The following NECAB2 variants were observed in gnomAD, a reference collection of about 807,000 sequenced individuals.
NECAB2 encodes N-terminal EF-hand calcium-binding protein 2.
NECAB2 carries 68 observed loss-of-function variants against 51.9 expected under a neutral mutation model. That is an observed-to-expected ratio of 1.31 (90% confidence interval 1.08 to 1.60). NECAB2 has a LOEUF of 1.60. Ranked by LOEUF, NECAB2 falls within the 40% of genes most tolerant of loss-of-function variation. NECAB2 has a pLI of 0.00. For missense variants in NECAB2, 854 were observed against 490.3 expected (o/e 1.74, Z -7.00); for synonymous variants, 329 against 203.5 (o/e 1.62, Z -5.25).
intron 5 of NECAB2, among the ~76,000 whole-genome samples, chr16:83,987,228 G>A (rs918402181): frequency 2.0e-5 from 3 of 152,168 alleles, no homozygotes; most frequent in Admixed American, 6.6e-5. Context: ...GCCCATTTCA[G>A]AGACTTTGAC....
intron 3 of NECAB2, among the ~76,000 whole-genome samples, chr16:83,979,744 G>A (rs117363017): frequency 0.039 from 5,928 of 151,086 alleles, 148 homozygotes; most frequent in Non-Finnish European, 0.064. Flanking sequence ...GTGAGAGTAC[G>A]TGTGGGTGGG....
At chr16:83,981,673 G>C (rs2084491443) in intron 5 of NECAB2, among the ~76,000 whole-genome samples, 1 of 152,130 alleles carries the variant, frequency 6.6e-6, no homozygotes, top group South Asian at 2.1e-4. Flanking sequence ...CTGCTGGCTG[G>C]GATGAGTGGG....
chr16:84,002,499 G>T lies in NECAB2; in HGVS notation c.*153G>T, dbSNP rs139872254. 4.6e-5 allele frequency: 45 copies of T among 969,488 alleles called. No homozygotes were observed. The highest frequency in any genetic ancestry group is 3.9e-4 in the Admixed American group (19 of 48,724). The allele number at this position is 969,488 out of a possible 1,614,324, so 60.1% of individuals were successfully genotyped here. ...TCCCTGTTGTTAAGTGAAGGAGGCC[G>T]CCCCTGCCCCCACCTGAGAAGGCAG... On this transcript the variant is annotated 3_prime_UTR_variant, in exon 13 of 13. Coordinates refer to ENST00000305202, the MANE Select transcript of NECAB2 (RefSeq NM_019065.3).
At chr16:83,996,205 A>G (rs539682118) in intron 8 of NECAB2, among the ~76,000 whole-genome samples, 7 of 152,164 alleles carry the variant, frequency 4.6e-5, no homozygotes, top group Non-Finnish European at 8.8e-5. Context: ...TCATCCTCCT[A>G]TGGCTTTTCC....
chr16:83,992,429 C>T (rs2084638717), intron 6 of NECAB2, among the ~76,000 whole-genome samples: 1 of 145,308 alleles, frequency 6.9e-6, no homozygotes, highest in Non-Finnish European at 1.5e-5. Context: ...CCCTTCTTTG[C>T]TCAGTTCTTC....
intron 5 of NECAB2, among the ~76,000 whole-genome samples, chr16:83,988,751 C>T (rs781310831): frequency 6.6e-6 from 1 of 152,140 alleles, no homozygotes; most frequent in African/African-American, 2.4e-5. Flanking sequence ...AGTAACTTGT[C>T]CACTGGATGC....
chr16:83,972,063 A>G, intron 1 of NECAB2, 88 bp from the exon 2 acceptor site: 1 of 1,564,730 alleles, frequency 6.4e-7, no homozygotes, highest in South Asian at 1.1e-5. Context: ...TCCTGGGAGA[A>G]GAGAAGGATC....
At chr16:83,976,635 T>G (rs557310910) in intron 2 of NECAB2, among the ~76,000 whole-genome samples, 5 of 152,180 alleles carry the variant, frequency 3.3e-5, no homozygotes, top group African/African-American at 1.2e-4. Flanking sequence ...TGGATTGGGG[T>G]TTTTTTGGCC....
At chr16:83,985,275 T>A (rs2084538264) in intron 5 of NECAB2, among the ~76,000 whole-genome samples, 1 of 124,242 alleles carries the variant, frequency 8.0e-6, no homozygotes, top group Non-Finnish European at 1.6e-5. Context: ...ACTGCGCCAT[T>A]GCACTCCAGC....
chr16:83,999,739 C>G (rs1291900923), intron 10 of NECAB2, among the ~76,000 whole-genome samples: 1 of 152,112 alleles, frequency 6.6e-6, no homozygotes, highest in Non-Finnish European at 1.5e-5. Flanking sequence ...CCTGCAGCCC[C>G]TTCCTCTGTG....
At chr16:83,997,349 C>T (rs1031516691) in intron 9 of NECAB2, 80 bp downstream of exon 9, 14 of 1,567,578 alleles carry the variant, frequency 8.9e-6, no homozygotes, top group East Asian at 2.3e-5. Context: ...GGCTCAATGC[C>T]CCTGACCCCG....
In NECAB2 at chr16:83,980,980, G is replaced by A. The variant is rs745768780; in HGVS notation, c.362-50G>A. ...CAGGTGGGAGGTGCAGGAGTGCTGA[G>A]TGGGAGGGGCAGGACCTGTGACCCC... On this transcript the variant is annotated intron_variant, in intron 4 of 12. Transcript: ENST00000305202. 70 of 1,606,350 alleles carry A rather than the reference G, an allele frequency of 4.4e-5. No homozygotes were observed. In the Middle Eastern group the frequency reaches 5.0e-4, roughly 11 times the overall value.
intron 3 of NECAB2, among the ~76,000 whole-genome samples, 168 bp from the exon 4 acceptor site, chr16:83,980,671 C>T (rs1008676063): frequency 3.3e-5 from 5 of 152,002 alleles, no homozygotes; most frequent in East Asian, 1.9e-4. Flanking sequence ...CCTTCAGGGG[C>T]GGGGGTGTCA....
At chr16:83,990,663 G>C (rs537835931) in intron 6 of NECAB2, 33 bp downstream of exon 6, 1 of 1,611,234 alleles carries the variant, frequency 6.2e-7, no homozygotes, top group Non-Finnish European at 8.5e-7. Flanking sequence ...GGTCCCATGG[G>C]GGTATGCCGT....
At chr16:84,000,892 T>C in intron 11 of NECAB2, 91 bp downstream of exon 11, 7 of 1,282,242 alleles carry the variant, frequency 5.5e-6, no homozygotes, top group Non-Finnish European at 6.7e-6. Context: ...GAGGGGAGGG[T>C]AAGGCCGAGT....
chr16:83,995,585 G>GC (rs2084687082), intron 8 of NECAB2, among the ~76,000 whole-genome samples: 1 of 152,166 alleles, frequency 6.6e-6, no homozygotes, highest in African/African-American at 2.4e-5. Flanking sequence ...ACCCACATAA[G>GC]CCAAGGTAAC....
chr16:83,999,825 G>A (rs1300822488), intron 10 of NECAB2, among the ~76,000 whole-genome samples: 3 of 151,458 alleles, frequency 2.0e-5, no homozygotes, highest in African/African-American at 4.9e-5. Flanking sequence ...AGGATTAAAT[G>A]AGAGGACAAG....
rs552983862 is a variant in NECAB2, at chr16:83,983,745, C to G, written c.459+2618C>G. On this transcript the variant is annotated intron_variant, in intron 5 of 12. Transcript: ENST00000305202. ...CATGAGCCAAGAATTTTATCTCTGT[C>G]TCCATTGGGAGTGGAGATCGGATGA... Among the ~76,000 whole-genome samples the G allele has an allele frequency of 3.5e-4, 53 of 152,264 alleles. 1 individual carries two copies. The South Asian group carries it at 0.01, about 30-fold the overall frequency.
rs1349731096 is a variant in NECAB2 at position 84,002,504 on chromosome 16, T to G, written c.*158T>G. ...GTTGTTAAGTGAAGGAGGCCGCCCC[T>G]GCCCCCACCTGAGAAGGCAGAGCAG... On this transcript the variant is annotated 3_prime_UTR_variant, in exon 13 of 13. Coordinates refer to ENST00000305202, the MANE Select transcript of NECAB2 (RefSeq NM_019065.3). 2 of 909,752 alleles carry G rather than the reference T, an allele frequency of 2.2e-6. No homozygotes were observed. Among genetic ancestry groups the G allele is most frequent in the Admixed American group, 2.1e-5 (1 of 47,284 alleles). The allele number at this position is 909,752 out of a possible 1,614,324, so 56.4% of individuals were successfully genotyped here.
Sources: allele counts gnomAD v4.1 joint callset (sites outside exome capture counted in the v4.1 genomes callset), GRCh38; gene constraint gnomAD v4.1.1; transcripts MANE v1.5; gene names NCBI Gene and HGNC (gene_info 2026-07-23, HGNC 2026-07-21).